The following CDH18 variants were observed in gnomAD, a reference collection of about 807,000 sequenced individuals.
CDH18 encodes the protein cadherin 18.
In CDH18, 31 loss-of-function variants were observed where a neutral mutation model predicts 67.9. The observed-to-expected ratio is 0.46, with a 90% CI of 0.34 to 0.62. The LOEUF is 0.62. CDH18 is among the 20% of genes least tolerant of loss of function. The pLI is 0.01. For missense variants in CDH18, 890 were observed against 975.5 expected, an observed-to-expected ratio of 0.91 and a Z score of 1.17; for synonymous variants, 362 against 347.2, an observed-to-expected ratio of 1.04 and a Z score of -0.48.
At chr5:20,524,680 A>T (rs1052862768) in intron 1 of CDH18, among the ~76,000 whole-genome samples, 1 of 152,216 alleles carries the variant, frequency 6.6e-6, no homozygotes, top group Non-Finnish European at 1.5e-5. Context: ...TGAAATACAG[A>T]TTTAAAATCA....
In CDH18 at chr5:19,708,424, G is replaced by A. The variant is rs1189022694; in HGVS notation, c.643+12923C>T. On this transcript the variant is annotated intron_variant, in intron 5 of 12. Coordinates refer to ENST00000382275, the MANE Select transcript of CDH18 (RefSeq NM_004934.5). ...AGAAGTAGCTCATGGAGATAAAGCT[G>A]CCTTTGCTTTTATCATCTTGCAAAA... 2.6e-5 allele frequency among the ~76,000 whole-genome samples: 4 copies of A among 152,034 alleles called. No homozygotes were observed. In the East Asian group the frequency reaches 5.8e-4, roughly 22 times the overall value.
intron 1 of CDH18, among the ~76,000 whole-genome samples, chr5:20,506,692 T>C: frequency 6.6e-6 from 1 of 152,246 alleles, no homozygotes; most frequent in East Asian, 1.9e-4. Context: ...CTACTAAATG[T>C]GTAGTATTGT....
chr5:19,527,804 G>T (rs1041082764), intron 9 of CDH18, among the ~76,000 whole-genome samples: 1 of 151,752 alleles, frequency 6.6e-6, no homozygotes, highest in Admixed American at 6.6e-5. Context: ...ATTCTAGATT[G>T]AAGTGAATTA....
intron 1 of CDH18, among the ~76,000 whole-genome samples, chr5:20,277,119 C>A (rs1218554791): frequency 6.6e-6 from 1 of 152,124 alleles, no homozygotes; most frequent in Non-Finnish European, 1.5e-5. Flanking sequence ...CTGTCTTTGC[C>A]ACCTGCTGTT....
chr5:20,173,270 A>T (rs1736983055), intron 2 of CDH18, among the ~76,000 whole-genome samples: 1 of 152,140 alleles, frequency 6.6e-6, no homozygotes, highest in Non-Finnish European at 1.5e-5. Context: ...CTAAACCAAA[A>T]TTATGGGGTA....
intron 2 of CDH18, among the ~76,000 whole-genome samples, chr5:20,073,062 T>A (rs1389875563): frequency 6.6e-6 from 1 of 151,926 alleles, no homozygotes; most frequent in African/African-American, 2.4e-5. Flanking sequence ...TTAGAAAACA[T>A]GTACATAAAA....
rs1447605633 is a variant in CDH18 at position 19,747,234 on chromosome 5, C to T, written c.231G>A (p.Leu77=). 4.3e-6 allele frequency: 7 copies of T among 1,611,148 alleles called. No individual in the cohort carries two copies. The highest frequency in any genetic ancestry group is 1.6e-4 in the Middle Eastern group (1 of 6,074). Residue 77 remains leucine (L), a splice_region_variant and synonymous_variant, in exon 4 of 13, where the codon CTG becomes CTA. Transcript: ENST00000382275. ...MGPDPQYVGK[L]HSNSDKGDGS... is the part of the protein sequence containing the mutation. Reference sequence around the variant, plus strand: ...CATCACCTTTGTCAGAATTGGAGTGCAGCTGTGAAATACACATGGAATAAT... The same window carrying T: ...CATCACCTTTGTCAGAATTGGAGTGTAGCTGTGAAATACACATGGAATAAT...
intron 2 of CDH18, among the ~76,000 whole-genome samples, chr5:20,090,723 A>G (rs1745341165): frequency 6.6e-6 from 1 of 152,036 alleles, no homozygotes; most frequent in Admixed American, 6.6e-5. Flanking sequence ...AATTATTAAA[A>G]AGAAAAGAAA....
In CDH18 at chr5:19,816,104, A is replaced by G. The variant is rs547873842; in HGVS notation, c.228+22655T>C. ...TGTTTTTATTAACTTTTATTAATGA[A>G]CTATTTTTAATGTCAATATAGCCAA... On this transcript the variant is annotated intron_variant, in intron 3 of 12. Transcript: ENST00000382275. Among the ~76,000 whole-genome samples the G allele has an allele frequency of 9.9e-5, 15 of 152,034 alleles. No individual in the cohort carries two copies. The East Asian group carries it at 2.9e-3, about 29-fold the overall frequency.
At chr5:20,134,303 C>T (rs1010168396) in intron 2 of CDH18, among the ~76,000 whole-genome samples, 4 of 152,116 alleles carry the variant, frequency 2.6e-5, no homozygotes, top group East Asian at 1.9e-4. Context: ...TTTTATTTGA[C>T]CTTCATATTT....
intron 5 of CDH18, among the ~76,000 whole-genome samples, chr5:19,627,248 A>T (rs1283903229): frequency 6.6e-6 from 1 of 152,224 alleles, no homozygotes; most frequent in Non-Finnish European, 1.5e-5. Context: ...AACACAAAAC[A>T]TTGAAGAAAT....
chr5:20,004,378 T>G (rs1736713712), intron 2 of CDH18, among the ~76,000 whole-genome samples: 1 of 152,230 alleles, frequency 6.6e-6, no homozygotes, highest in Non-Finnish European at 1.5e-5. Flanking sequence ...ACATGAATGC[T>G]AAAGGAGGTC....
chr5:20,479,106 C>T (rs73764410), intron 1 of CDH18, among the ~76,000 whole-genome samples: 8,367 of 152,126 alleles, frequency 0.055, 764 homozygotes, highest in African/African-American at 0.19. Flanking sequence ...CAACAACACT[C>T]GATGCTTTTT....
At position 20,010,048 on chromosome 5, in the gene CDH18, T is replaced by G. The variant is rs115866370; in HGVS notation, c.-517-18034A>C. On this transcript the variant is annotated intron_variant, in intron 2 of 14. Coordinates refer to the CDH18 transcript ENST00000507958. ...TTCTTTCTTCTTCTTGCGGGATGCT[T>G]TCTTTCCTCTTCTTGGGAGATCTGT... Among the ~76,000 whole-genome samples, 832 of 152,134 alleles carry G rather than the reference T, an allele frequency of 5.5e-3. 7 individuals carry two copies. Among genetic ancestry groups the G allele is most frequent in the African/African-American group, 0.019 (803 of 41,514 alleles).
intron 2 of CDH18, among the ~76,000 whole-genome samples, chr5:19,966,471 T>C (rs1013028629): frequency 2.0e-5 from 3 of 152,142 alleles, no homozygotes; most frequent in Non-Finnish European, 4.4e-5. Flanking sequence ...TCCAACTGGA[T>C]GTTATAGATT....
intron 1 of CDH18, among the ~76,000 whole-genome samples, chr5:20,452,835 T>C (rs1750555963): frequency 6.6e-6 from 1 of 152,146 alleles, no homozygotes; most frequent in Non-Finnish European, 1.5e-5. Context: ...GCATTGGATA[T>C]GTTAATTATA....
chr5:19,527,604 G>A (rs1747938298), intron 9 of CDH18, among the ~76,000 whole-genome samples: 1 of 151,568 alleles, frequency 6.6e-6, no homozygotes, highest in Non-Finnish European at 1.5e-5. Context: ...TGAATTTTAT[G>A]CAACAGAATA....
At position 20,294,277 on chromosome 5, in the gene CDH18, C is replaced by T. The variant is rs78575670; in HGVS notation, c.-579-38772G>A. ...CCAACAGCCCATAAAAGGTCATTAT[C>T]AAATATTTTTTCCATTTTCCTTGCA... On this transcript the variant is annotated intron_variant, in intron 1 of 14. Coordinates refer to the CDH18 transcript ENST00000507958. 4.4e-3 allele frequency among the ~76,000 whole-genome samples: 665 copies of T among 152,284 alleles called. 7 individuals are homozygous for T. The highest frequency in any genetic ancestry group is 0.015 in the African/African-American group (637 of 41,578).
At chr5:20,016,108 T>C (rs528036031) in intron 2 of CDH18, among the ~76,000 whole-genome samples, 6 of 152,244 alleles carry the variant, frequency 3.9e-5, no homozygotes, top group East Asian at 1.9e-4. Context: ...GTGGTACTTA[T>C]ACACCATAGA....
Sources: gnomAD v4.1 joint callset for allele counts (sites outside exome capture counted in the v4.1 genomes callset) on GRCh38, gnomAD v4.1.1 for gene constraint, MANE v1.5 for transcripts, NCBI Gene and HGNC (gene_info 2026-07-23, HGNC 2026-07-21) for gene names.